IL17RD: variants seen among roughly 807,000 people sequenced by gnomAD.
The protein encoded by IL17RD is interleukin-17 receptor D.
In IL17RD, 52 loss-of-function variants were observed where a neutral mutation model predicts 80.5. The ratio of observed to expected loss-of-function variants is 0.65; its 90% CI spans 0.52 to 0.81. The LOEUF is 0.81. Ranked by LOEUF, IL17RD falls within the 40% of genes least tolerant of loss-of-function variation. IL17RD has a pLI of 0.00. For missense variants in IL17RD, 1,024 were observed against 955.1 expected (o/e 1.07, Z -0.95); for synonymous variants, 416 against 391.8 (o/e 1.06, Z -0.73).
rs1377724413 is a variant in IL17RD at position 57,103,084 on chromosome 3, C to T, written c.868+7G>A. The T allele has an allele frequency of 2.5e-6, 4 of 1,588,860 alleles. No homozygotes were observed. In the South Asian group the frequency reaches 4.6e-5, roughly 18 times the overall value. On this transcript the variant is annotated splice_region_variant and intron_variant, in intron 9 of 12. Transcript: ENST00000296318. ...TAGAGCCAAATTTCAAACAAAAAAG[C>T]ACCTACCTGGCTTTAAGGCATAATG... is the stretch of plus-strand genomic sequence containing the variant.
chr3:57,137,342 G>GC (rs1707750004), intron 1 of IL17RD, among the ~76,000 whole-genome samples: 1 of 152,226 alleles, frequency 6.6e-6, no homozygotes, highest in African/African-American at 2.4e-5. Context: ...TTGGAGACAG[G>GC]CAAGATCCAA....
chr3:57,162,230 T>C (rs77586095), intron 1 of IL17RD, among the ~76,000 whole-genome samples: 4,083 of 152,318 alleles, frequency 0.027, 86 homozygotes, highest in South Asian at 0.048. Flanking sequence ...AAGGGGGTCA[T>C]TTGCTCAGCT....
At chr3:57,146,701 G>A (rs1454153483) in intron 1 of IL17RD, among the ~76,000 whole-genome samples, 1 of 133,220 alleles carries the variant, frequency 7.5e-6, no homozygotes, top group African/African-American at 2.8e-5. Flanking sequence ...GGTGAGCCAA[G>A]ATTACGCCAC....
At chr3:57,166,516 CAAACA>C (rs1226822678), upstream of IL17RD, among the ~76,000 whole-genome samples, 1 of 18,680 alleles carries the variant, frequency 5.4e-5, no homozygotes, top group African/African-American at 3.5e-4. Context: ...AACAAACAAA[CAAACA>C]AACAAACAAA....
At chr3:57,128,384 C>G (rs977068044) in intron 1 of IL17RD, among the ~76,000 whole-genome samples, 1 of 152,168 alleles carries the variant, frequency 6.6e-6, no homozygotes, top group Non-Finnish European at 1.5e-5. Flanking sequence ...CACACATGTT[C>G]CTAATTTCAC....
rs757575409 is a variant in IL17RD at position 57,098,272 on chromosome 3, G to A, written c.1431C>T (p.Ala477=). The A allele has an allele frequency of 5.6e-6, 9 of 1,613,922 alleles. No homozygotes were observed. In the South Asian group the frequency reaches 8.8e-5, roughly 16 times the overall value. The change falls in exon 12 of 13, where the codon GCC becomes GCT. Residue 477 remains alanine, a synonymous_variant. Transcript: ENST00000296318. ...CCTCGCAGGAATAATCAAAGTAGAC[G>A]GCGATAAACTTGCTGAGCGCCGCGG... The part of the protein sequence containing the change: ...SSSAALSKFI[A]VYFDYSCEGD...
chr3:57,118,104 A>G (rs1174780869), intron 2 of IL17RD, among the ~76,000 whole-genome samples: 1 of 152,228 alleles, frequency 6.6e-6, no homozygotes, highest in Non-Finnish European at 1.5e-5. Flanking sequence ...CTTGAATGTA[A>G]TACAAGATCT....
At position 57,098,172 on chromosome 3, in the gene IL17RD, A is replaced by G. The variant is rs2291462; in HGVS notation, c.1531T>C (p.Leu511=). The G allele has an allele frequency of 0.84, 1,363,431 of 1,613,662 alleles. 581,025 individuals are homozygous for G. Among genetic ancestry groups the G allele is most frequent in the South Asian group, 0.92 (84,174 of 91,064 alleles). ...MDNLPQLCSH[L]HSRDHGLQEP... is the part of the protein sequence containing the mutation. ...TGGAGGCCGTGGTCTCGGGAGTGCA[A>G]GTGGGAACAGAGCTGAGGAAGATTG... Residue 511 remains leucine, a synonymous_variant, in exon 12 of 13, where the codon TTG becomes CTG. Transcript: ENST00000296318.
Position 57,105,916 on chromosome 3 carries a change from A to C in IL17RD, c.688T>G (p.Phe230Val). The change falls in exon 7 of 13, where the codon TTC becomes GTC. Residue 230 changes from phenylalanine to valine, a missense_variant. Coordinates refer to ENST00000296318, the MANE Select transcript of IL17RD (RefSeq NM_017563.5). ...HAPHNFGFRF[F>V]YLHYKLKHEG... The stretch of plus-strand genomic sequence containing the variant: ...TGCTTGAGCTTGTAGTGAAGATAGA[A>C]GAAACGGAAGCCGAAGTTGTGCGGT... 6.2e-7 allele frequency: 1 copy of C among 1,613,944 alleles called. No individual in the cohort carries two copies. The highest frequency in any genetic ancestry group is 8.5e-7 in the Non-Finnish European group (1 of 1,179,874).
intron 1 of IL17RD, among the ~76,000 whole-genome samples, chr3:57,156,240 C>A (rs2060266363): frequency 1.3e-5 from 2 of 152,200 alleles, no homozygotes; most frequent in South Asian, 4.1e-4. Flanking sequence ...TTGGAAAGAG[C>A]ATGGTCAGGT....
At chr3:57,145,877 A>G (rs1355187963) in intron 1 of IL17RD, among the ~76,000 whole-genome samples, 1 of 152,216 alleles carries the variant, frequency 6.6e-6, no homozygotes, top group African/African-American at 2.4e-5. Context: ...TGTCACAGTG[A>G]CCTCAATGAG....
chr3:57,116,473 C>A (rs981376239), intron 2 of IL17RD, among the ~76,000 whole-genome samples: 3 of 151,396 alleles, frequency 2.0e-5, no homozygotes, highest in Non-Finnish European at 2.9e-5. Context: ...TTAGTAGAGA[C>A]GAGGTTTCTC....
At position 57,090,326 on chromosome 3, in the gene IL17RD, T is replaced by G. The variant is rs1240430381; in HGVS notation, c.*6067A>C. 4 of 152,374 alleles carry G rather than the reference T, an allele frequency of 2.6e-5. No homozygotes were observed. Among genetic ancestry groups the G allele is most frequent in the Non-Finnish European group, 5.9e-5 (4 of 68,058 alleles). 9.4% of individuals were successfully genotyped at this position (152,374 alleles called of 1,614,324 possible). On this transcript the variant is annotated 3_prime_UTR_variant, in exon 13 of 13. Transcript: ENST00000296318. The stretch of plus-strand genomic sequence containing the variant: ...AAATAGGAGTTACTTACTATCTAGA[T>G]GAACACAATTGGTTTTCACAAAAGC...
upstream of IL17RD, among the ~76,000 whole-genome samples, chr3:57,167,739 G>C (rs1368899577): frequency 6.6e-6 from 1 of 152,146 alleles, no homozygotes; most frequent in Non-Finnish European, 1.5e-5. Context: ...TTGTCAAACT[G>C]TTCATTATGG....
intron 1 of IL17RD, among the ~76,000 whole-genome samples, chr3:57,136,660 A>AC (rs1707736889): frequency 6.6e-6 from 1 of 150,906 alleles, no homozygotes; most frequent in Non-Finnish European, 1.5e-5. Flanking sequence ...AAAAAAAAAA[A>AC]AAAACTTAGC....
Position 57,127,377 on chromosome 3 carries a change from T to A in IL17RD, c.127-7064A>T, listed in dbSNP as rs1374296098. ...ATATATAAATATAAATATATATATA[T>A]AAATAAATAAATAAATAAATATATA... On this transcript the variant is annotated intron_variant, in intron 1 of 12. Coordinates refer to ENST00000296318, the MANE Select transcript of IL17RD (RefSeq NM_017563.5). Among the ~76,000 whole-genome samples, 52 of 94,308 alleles carry A rather than the reference T, an allele frequency of 5.5e-4. 9 individuals carry two copies. The highest frequency in any genetic ancestry group is 2.7e-3 in the Admixed American group (17 of 6,362). 61.9% of individuals were successfully genotyped at this position (94,308 alleles called of 152,430 possible). A position where few individuals can be genotyped will look rare whatever the true frequency, so the allele number is the denominator to read the frequency against.
At chr3:57,114,076 C>G (rs565260691) in intron 3 of IL17RD, among the ~76,000 whole-genome samples, 1 of 151,626 alleles carries the variant, frequency 6.6e-6, no homozygotes, top group South Asian at 2.1e-4. Flanking sequence ...CCCAGCTACT[C>G]GGGCAGCTGA....
intron 1 of IL17RD, among the ~76,000 whole-genome samples, chr3:57,121,561 G>A (rs554658378): frequency 6.6e-6 from 1 of 152,250 alleles, no homozygotes; most frequent in East Asian, 1.9e-4. Flanking sequence ...ATCTACTGAA[G>A]CTCCCCTTCT....
intron 5 of IL17RD, 101 bp from the exon 6 acceptor site, chr3:57,106,255 G>T: frequency 1.2e-6 from 1 of 818,050 alleles, no homozygotes; most frequent in Non-Finnish European, 2.0e-6. Flanking sequence ...GCCGGGTGAT[G>T]CTAGAAAAGG....
Sources: allele counts gnomAD v4.1 joint callset (sites outside exome capture counted in the v4.1 genomes callset), GRCh38; gene constraint gnomAD v4.1.1; transcripts MANE v1.5; gene names NCBI Gene and HGNC (gene_info 2026-07-23, HGNC 2026-07-21).